The following CTNND2 variants were observed in gnomAD, a reference collection of about 807,000 sequenced individuals.
The protein encoded by CTNND2 is catenin delta 2.
A neutral mutation model predicts 144.4 loss-of-function variants in CTNND2; 22 were observed. That is an observed-to-expected ratio of 0.15 (90% confidence interval 0.11 to 0.22). The LOEUF (loss-of-function observed/expected upper bound fraction) is 0.22. CTNND2 is among the 10% of genes least tolerant of loss of function. The probability of loss-of-function intolerance (pLI) is 1.00; values close to 1 mark genes in which losing one functional copy is unlikely to be tolerated. For missense variants in CTNND2, 1,353 were observed against 1,618.8 expected (o/e 0.84, Z 2.82); for synonymous variants, 751 against 695.6 (o/e 1.08, Z -1.25).
At chr5:11,319,623 C>T (rs974472170) in intron 9 of CTNND2, among the ~76,000 whole-genome samples, 2 of 152,126 alleles carry the variant, frequency 1.3e-5, no homozygotes, top group Non-Finnish European at 2.9e-5. Flanking sequence ...TCTGTTCAAG[C>T]GATCCTCCTG....
chr5:11,192,226 C>A (rs555510480), intron 11 of CTNND2, among the ~76,000 whole-genome samples: 1 of 152,260 alleles, frequency 6.6e-6, no homozygotes, highest in African/African-American at 2.4e-5. Flanking sequence ...CAGAATGAAC[C>A]TTTGCCTGGA....
intron 9 of CTNND2, among the ~76,000 whole-genome samples, chr5:11,257,653 C>T (rs940628419): frequency 3.3e-5 from 5 of 152,052 alleles, no homozygotes; most frequent in African/African-American, 1.2e-4. Flanking sequence ...AGGTTTCTCC[C>T]AAGACACATG....
chr5:11,217,253 CT>C (rs1739295586), intron 10 of CTNND2, among the ~76,000 whole-genome samples: 1 of 152,224 alleles, frequency 6.6e-6, no homozygotes, highest in African/African-American at 2.4e-5. Context: ...TAACTAGCAT[CT>C]TTTCAGATGA....
chr5:11,057,519 A>T (rs1042070165), intron 16 of CTNND2, among the ~76,000 whole-genome samples: 12 of 152,226 alleles, frequency 7.9e-5, no homozygotes, highest in African/African-American at 2.9e-4. Context: ...CATGATTGTC[A>T]GGCCTCCCCA....
intron 3 of CTNND2, among the ~76,000 whole-genome samples, chr5:11,533,858 A>C (rs1773979725): frequency 1.3e-5 from 2 of 152,202 alleles, no homozygotes; most frequent in African/African-American, 4.8e-5. Context: ...CTAGGCCTAG[A>C]ACCTCACTTT....
At chr5:11,901,121 C>G (rs909705822) in intron 1 of CTNND2, among the ~76,000 whole-genome samples, 2 of 152,098 alleles carry the variant, frequency 1.3e-5, no homozygotes, top group Non-Finnish European at 2.9e-5. Flanking sequence ...TGTACTGACC[C>G]TATGGACAAA....
At chr5:11,235,460 G>T (rs1244238992) in intron 10 of CTNND2, among the ~76,000 whole-genome samples, 1 of 152,116 alleles carries the variant, frequency 6.6e-6, no homozygotes, top group East Asian at 1.9e-4. Flanking sequence ...TTAACAGTTG[G>T]TATTTTTTCA....
chr5:11,818,956 T>C (rs1282721801), intron 1 of CTNND2, among the ~76,000 whole-genome samples: 1 of 152,130 alleles, frequency 6.6e-6, no homozygotes, highest in Non-Finnish European at 1.5e-5. Context: ...ACCTATTTGT[T>C]TTCCTTTTCA....
intron 9 of CTNND2, among the ~76,000 whole-genome samples, chr5:11,296,377 T>C (rs1749004505): frequency 6.6e-6 from 1 of 152,184 alleles, no homozygotes; most frequent in Admixed American, 6.5e-5. Flanking sequence ...ACTTTTACAC[T>C]GTTGGTGGGA....
intron 16 of CTNND2, among the ~76,000 whole-genome samples, chr5:11,053,218 AG>A (rs1301698814): frequency 6.6e-6 from 1 of 152,216 alleles, no homozygotes; most frequent in Non-Finnish European, 1.5e-5. Context: ...TTTTCACCAC[AG>A]GCTTTGATGT....
intron 11 of CTNND2, among the ~76,000 whole-genome samples, chr5:11,190,507 G>A (rs1736132411): frequency 6.6e-6 from 1 of 152,234 alleles, no homozygotes; most frequent in Admixed American, 6.5e-5. Flanking sequence ...GCAAACCAAT[G>A]TGGCTAAAAG....
At chr5:11,017,905 C>A in intron 18 of CTNND2, 69 bp downstream of exon 18, 7 of 1,222,620 alleles carry the variant, frequency 5.7e-6, no homozygotes, top group Non-Finnish European at 8.5e-6. Flanking sequence ...GTGCCCTCCA[C>A]GTCTGTGACG....
At chr5:11,033,531 G>GA (rs1205754184) in intron 16 of CTNND2, among the ~76,000 whole-genome samples, 1 of 151,774 alleles carries the variant, frequency 6.6e-6, no homozygotes, top group African/African-American at 2.4e-5. Flanking sequence ...GGTCCTTTAA[G>GA]AAAAAAAATA....
intron 3 of CTNND2, among the ~76,000 whole-genome samples, chr5:11,439,326 C>T (rs1014941749): frequency 1.3e-4 from 20 of 152,074 alleles, no homozygotes; most frequent in Non-Finnish European, 2.6e-4. Flanking sequence ...GAGAGGAGAT[C>T]CCTGTAGACA....
intron 11 of CTNND2, among the ~76,000 whole-genome samples, chr5:11,194,830 TA>T (rs2149820009): frequency 6.6e-6 from 1 of 152,256 alleles, no homozygotes; most frequent in African/African-American, 2.4e-5. Flanking sequence ...AAATAGGAGC[TA>T]TTAAAAAACA....
intron 1 of CTNND2, among the ~76,000 whole-genome samples, chr5:11,819,448 G>C (rs1259930022): frequency 6.6e-6 from 1 of 152,030 alleles, no homozygotes; most frequent in Non-Finnish European, 1.5e-5. Flanking sequence ...CAGACAGACA[G>C]ACAGACAGAC....
chr5:11,260,299 T>C (rs1744725194), intron 9 of CTNND2, among the ~76,000 whole-genome samples: 1 of 152,202 alleles, frequency 6.6e-6, no homozygotes, highest in African/African-American at 2.4e-5. Context: ...TATATGATGC[T>C]ATTAAATTAC....
intron 12 of CTNND2, among the ~76,000 whole-genome samples, chr5:11,118,746 C>T (rs148284623): frequency 4.7e-4 from 71 of 152,236 alleles, no homozygotes; most frequent in African/African-American, 1.1e-3. Context: ...ATCTCCAGCC[C>T]GCTATAATTG....
intron 11 of CTNND2, among the ~76,000 whole-genome samples, chr5:11,189,015 C>T (rs1475589967): frequency 6.6e-6 from 1 of 152,186 alleles, no homozygotes; most frequent in African/African-American, 2.4e-5. Flanking sequence ...TCTGTCTTGT[C>T]CACTACGACA....
Sources: gnomAD v4.1 joint callset for allele counts (sites outside exome capture counted in the v4.1 genomes callset) on GRCh38, gnomAD v4.1.1 for gene constraint, MANE v1.5 for transcripts, NCBI Gene and HGNC (gene_info 2026-07-23, HGNC 2026-07-21) for gene names.